OAS2: variants seen among roughly 807,000 people sequenced by gnomAD.
OAS2 encodes 2'-5'-oligoadenylate synthase 2.
OAS2 carries 67 observed loss-of-function variants against 71.3 expected under a neutral mutation model. That is an observed-to-expected ratio of 0.94 (90% CI 0.77 to 1.15). The LOEUF (loss-of-function observed/expected upper bound fraction) is 1.15. Among genes scored for constraint, OAS2 ranks in the 50% most tolerant of loss-of-function variants. The probability of loss-of-function intolerance (pLI) is 0.00; values close to 1 mark genes in which losing one functional copy is unlikely to be tolerated. For missense variants in OAS2, 789 were observed against 822.5 expected (o/e 0.96, Z 0.50); for synonymous variants, 327 against 321.8 (o/e 1.02, Z -0.17).
chr12:112,979,008 G>A (rs2044054513), intron 1 of OAS2, among the ~76,000 whole-genome samples: 1 of 152,176 alleles, frequency 6.6e-6, no homozygotes, highest in African/African-American at 2.4e-5. Flanking sequence ...TCTGTAAAAT[G>A]GGGAGAGGCA....
intron 1 of OAS2, 109 bp from the exon 2 acceptor site, chr12:112,986,929 G>A: frequency 7.0e-7 from 1 of 1,437,242 alleles, no homozygotes; most frequent in East Asian, 2.3e-5. Context: ...GCCACTCAAT[G>A]TTAAGACCAT....
At chr12:112,995,600 C>A in intron 3 of OAS2, 126 bp downstream of exon 3, 1 of 888,662 alleles carries the variant, frequency 1.1e-6, no homozygotes, top group Non-Finnish European at 1.7e-6. Context: ...TTACCAGCAA[C>A]ACCCAAATCA....
chr12:113,000,108 C>T (rs1687904028), intron 5 of OAS2, among the ~76,000 whole-genome samples: 1 of 152,114 alleles, frequency 6.6e-6, no homozygotes, highest in African/African-American at 2.4e-5. Context: ...TCTCTTTACC[C>T]TTAAATGCTT....
chr12:113,004,013 T>C (rs1593205394), intron 6 of OAS2, among the ~76,000 whole-genome samples: 1 of 152,130 alleles, frequency 6.6e-6, no homozygotes, highest in Admixed American at 6.5e-5. Flanking sequence ...ATTCACATGA[T>C]AGTCAGTGAA....
At chr12:112,987,408 C>T in intron 2 of OAS2, 100 bp downstream of exon 2, 5 of 1,511,780 alleles carry the variant, frequency 3.3e-6, no homozygotes, top group Non-Finnish European at 4.4e-6. Flanking sequence ...ACCACTGCTG[C>T]TTTAAAAAAT....
rs770257269 is a variant in OAS2 at position 112,995,314 on chromosome 12, G to GC, written c.471dup (p.Trp158LeufsTer12). 9 of 1,608,804 alleles carry GC rather than the reference G, an allele frequency of 5.6e-6. No homozygotes were observed. Reference sequence around the variant, plus strand: ...ACATCAGGCTTAAATGATAATCCCAGCCCCTGGATCTATCGAGAGCTCAAA... The same window carrying GC: ...ACATCAGGCTTAAATGATAATCCCAGCCCCCTGGATCTATCGAGAGCTCAAA... On this transcript the variant is annotated frameshift_variant, in exon 3 of 10. Transcript: ENST00000392583. LOFTEE classifies it high-confidence loss of function.
Position 113,006,403 on chromosome 12 carries a change from C to T in OAS2, c.1469-10C>T. On this transcript the variant is annotated splice_polypyrimidine_tract_variant and intron_variant, in intron 7 of 9. Transcript: ENST00000392583. ...ATTAAAGCAGGATGTCAATCTCTCCCTCATGCCAGGTCAGCTGAGTTCTGG... is the reference window on the plus strand; with the variant it reads ...ATTAAAGCAGGATGTCAATCTCTCCTTCATGCCAGGTCAGCTGAGTTCTGG... 2 of 1,534,814 alleles carry T rather than the reference C, an allele frequency of 1.3e-6. No homozygotes were observed. The highest frequency in any genetic ancestry group is 1.8e-6 in the Non-Finnish European group (2 of 1,128,220).
intron 6 of OAS2, among the ~76,000 whole-genome samples, chr12:113,003,525 T>C (rs1342353239): frequency 1.3e-5 from 2 of 152,292 alleles, no homozygotes; most frequent in African/African-American, 4.8e-5. Flanking sequence ...AAGACCCTTT[T>C]TCCAAATAAG....
intron 2 of OAS2, 65 bp downstream of exon 2, chr12:112,987,373 C>A (rs1301277025): frequency 6.3e-7 from 1 of 1,593,484 alleles, no homozygotes; most frequent in Non-Finnish European, 8.6e-7. Context: ...CTCTGTGCAA[C>A]CTCTAGGCCA....
At chr12:113,008,881 G>C (rs184505271) in intron 9 of OAS2, among the ~76,000 whole-genome samples, 1 of 152,168 alleles carries the variant, frequency 6.6e-6, no homozygotes, top group Non-Finnish European at 1.5e-5. Flanking sequence ...TCCCACTTCA[G>C]CCTCCCAAAG....
In OAS2 at chr12:112,978,851, C is replaced by CTACTG; in HGVS notation, c.177+67_177+71dup. On this transcript the variant is annotated intron_variant, in intron 1 of 9. Coordinates refer to ENST00000392583, the MANE Select transcript of OAS2 (RefSeq NM_002535.3). This position sits in a 1 kb window ranked among gnomAD's most constrained non-coding sequence, Gnocchi z 4.2. ...ATTCCACGGCGGCAGCAAGGCCGAG[C>CTACTG]TACTGGGTGCTGGGTGCCTATTATG... The CTACTG allele has an allele frequency of 2.7e-6, 4 of 1,487,514 alleles. No homozygotes were observed. The highest frequency in any genetic ancestry group is 3.7e-6 in the Non-Finnish European group (4 of 1,092,250). 92.1% of individuals were successfully genotyped at this position (1,487,514 alleles called of 1,614,324 possible). A position where few individuals can be genotyped will look rare whatever the true frequency, so the allele number is the denominator to read the frequency against.
chr12:112,989,758 G>T (rs1434138700), intron 2 of OAS2, among the ~76,000 whole-genome samples: 2 of 152,180 alleles, frequency 1.3e-5, no homozygotes. Context: ...GCCTGAACTG[G>T]TTTTTCAGGT....
At chr12:113,007,680 G>A (rs192763448) in intron 8 of OAS2, 25 bp from the exon 9 acceptor site, 134 of 1,598,542 alleles carry the variant, frequency 8.4e-5, no homozygotes, top group South Asian at 2.1e-4. Context: ...TAACCAGTTC[G>A]TCTGATGTTC....
chr12:112,999,820 C>A (rs182319885), intron 5 of OAS2, among the ~76,000 whole-genome samples: 50 of 152,294 alleles, frequency 3.3e-4, no homozygotes, highest in African/African-American at 1.1e-3. Flanking sequence ...TCCTATGATC[C>A]CCTCACATAG....
At position 113,009,838 on chromosome 12, in the gene OAS2, G is replaced by A. The variant is rs1015134853; in HGVS notation, c.*583G>A. ...TTGCACTGGCCACCCAAGGATGTCT[G>A]CCACACCTCTCCAAAGCCCTCCCTA... On this transcript the variant is annotated 3_prime_UTR_variant, in exon 10 of 10. Transcript: ENST00000392583. 3 of 986,534 alleles carry A rather than the reference G, an allele frequency of 3.0e-6. No homozygotes were observed. In the African/African-American group the frequency reaches 5.2e-5, roughly 17 times the overall value. 61.1% of individuals were successfully genotyped at this position (986,534 alleles called of 1,614,324 possible). A position where few individuals can be genotyped will look rare whatever the true frequency, so the allele number is the denominator to read the frequency against.
chr12:112,979,907 G>A (rs1162755592), intron 1 of OAS2, among the ~76,000 whole-genome samples: 2 of 152,212 alleles, frequency 1.3e-5, no homozygotes, highest in African/African-American at 2.4e-5. Context: ...TTCCTGGGAT[G>A]TGGGACTCTT....
intron 3 of OAS2, among the ~76,000 whole-genome samples, chr12:112,996,975 T>C (rs1192221733): frequency 6.6e-6 from 1 of 152,218 alleles, no homozygotes; most frequent in Admixed American, 6.5e-5. Context: ...TCCCCTCATC[T>C]GAGGTCTACC....
In OAS2 at chr12:113,009,141, T is replaced by C; in HGVS notation, c.1950T>C (p.Arg650=). Reference sequence around the variant, plus strand: ...CAGGTGACGTGGGTGGAGGGGACCGTTGGTGTTGGCATCTTCTGGCAAAAG... The same window carrying C: ...CAGGTGACGTGGGTGGAGGGGACCGCTGGTGTTGGCATCTTCTGGCAAAAG... The part of the protein sequence containing the change: ...EPTGDVGGGD[R]WCWHLLAKEA... Residue 650 remains arginine (R), a synonymous_variant, in exon 10 of 10, where the codon CGT becomes CGC. Coordinates refer to ENST00000392583, the MANE Select transcript of OAS2 (RefSeq NM_002535.3). 6.2e-7 allele frequency: 1 copy of C among 1,613,928 alleles called. No homozygotes were observed. Among genetic ancestry groups the C allele is most frequent in the Admixed American group, 1.7e-5 (1 of 60,010 alleles).
intron 6 of OAS2, among the ~76,000 whole-genome samples, chr12:113,003,822 C>T (rs1009012116): frequency 6.6e-6 from 1 of 152,184 alleles, no homozygotes; most frequent in Non-Finnish European, 1.5e-5. Context: ...TAAATTTCTG[C>T]GTTGATGCCA....
Sources: allele counts gnomAD v4.1 joint callset (sites outside exome capture counted in the v4.1 genomes callset), GRCh38; gene constraint gnomAD v4.1.1; non-coding constraint Gnocchi (gnomAD v3.1); transcripts MANE v1.5; gene names NCBI Gene and HGNC (gene_info 2026-07-23, HGNC 2026-07-21).